RAD51B: variants seen among roughly 807,000 people sequenced by gnomAD.
RAD51B encodes the protein RAD51 paralog B, also known as DNA repair protein RAD51 homolog 2.
In RAD51B, 38 loss-of-function variants were observed where a neutral mutation model predicts 42.2. The observed-to-expected ratio is 0.90, with a 90% confidence interval of 0.70 to 1.18. The LOEUF (loss-of-function observed/expected upper bound fraction) is 1.18, where lower values mean the gene tolerates loss of function less well. Ranked by LOEUF, RAD51B falls within the 50% of genes most tolerant of loss-of-function variation. The probability of loss-of-function intolerance (pLI) is 0.00; values close to 1 mark genes in which losing one functional copy is unlikely to be tolerated. For missense variants in RAD51B, 373 were observed against 400.7 expected (o/e 0.93, Z 0.59); for synonymous variants, 154 against 145.2 (o/e 1.06, Z -0.43).
chr14:68,679,065 A>G (rs1376152818), intron 11 of RAD51B, among the ~76,000 whole-genome samples: 1 of 152,134 alleles, frequency 6.6e-6, no homozygotes, highest in Non-Finnish European at 1.5e-5. Flanking sequence ...CCCAACAAAT[A>G]TAATTAGAAA....
intron 10 of RAD51B, among the ~76,000 whole-genome samples, chr14:68,585,989 G>A (rs1595000323): frequency 6.6e-6 from 1 of 152,210 alleles, no homozygotes; most frequent in East Asian, 1.9e-4. Flanking sequence ...TCTCATCAAG[G>A]CCCTGCAAAG....
chr14:68,400,323 C>T (rs1240309797), intron 8 of RAD51B, among the ~76,000 whole-genome samples: 1 of 152,196 alleles, frequency 6.6e-6, no homozygotes, highest in Non-Finnish European at 1.5e-5. Context: ...TGGTAAAGGA[C>T]ATGCCACTTT....
intron 4 of RAD51B, among the ~76,000 whole-genome samples, chr14:67,844,730 A>T (rs1303261195): frequency 2.0e-5 from 3 of 151,752 alleles, no homozygotes; most frequent in African/African-American, 4.8e-5. Flanking sequence ...TTAACTCGTC[A>T]TTTACATTAG....
In RAD51B at chr14:68,444,764, G is replaced by A. The variant is rs188187446; in HGVS notation, c.958-23408G>A. Among the ~76,000 whole-genome samples the A allele has an allele frequency of 4.3e-4, 65 of 152,336 alleles. 1 individual carries two copies. The highest frequency in any genetic ancestry group is 1.2e-3 in the African/African-American group (51 of 41,572). ...TCACAGTAGGAGCAGGGATGGGGTG[G>A]AGGTGGTGGTGGTGATTTTAGTAAA... is the stretch of plus-strand genomic sequence containing the variant. On this transcript the variant is annotated intron_variant, in intron 9 of 10. Coordinates refer to ENST00000471583, the MANE Select transcript of RAD51B (RefSeq NM_133510.4).
chr14:68,209,288 G>A (rs936900114), intron 7 of RAD51B, among the ~76,000 whole-genome samples: 8 of 152,156 alleles, frequency 5.3e-5, no homozygotes, highest in Non-Finnish European at 1.2e-4. Context: ...CTCTCTGTGA[G>A]GTAGGCACCA....
intron 8 of RAD51B, among the ~76,000 whole-genome samples, chr14:68,327,727 TA>T (rs34100794): frequency 0.5 from 76,268 of 151,680 alleles, 21,728 homozygotes; most frequent in South Asian, 0.65. Flanking sequence ...AAGGTATTAT[TA>T]AAAAAAAGTA....
At position 68,416,100 on chromosome 14, in the gene RAD51B, A is replaced by G. The variant is rs182595550; in HGVS notation, c.957+4573A>G. Among the ~76,000 whole-genome samples the G allele has an allele frequency of 2.7e-3, 408 of 152,264 alleles. 2 individuals carry two copies. Among genetic ancestry groups the G allele is most frequent in the African/African-American group, 9.2e-3 (384 of 41,540 alleles). On this transcript the variant is annotated intron_variant, in intron 9 of 10. Coordinates refer to ENST00000471583, the MANE Select transcript of RAD51B (RefSeq NM_133510.4). ...ACCTAGTAAATTGTTGACAGAACCA[A>G]TATCACTCAAGCTGCTGATCCACAC...
At chr14:68,291,856 C>G (rs1555388035) in intron 7 of RAD51B, 28 bp from the exon 8 acceptor site, 3 of 1,558,172 alleles carry the variant, frequency 1.9e-6, no homozygotes, top group Non-Finnish European at 2.7e-6. Context: ...TCCCTTGCCC[C>G]CTACCCCTTC....
intron 7 of RAD51B, among the ~76,000 whole-genome samples, chr14:67,984,899 T>C (rs2075156135): frequency 6.6e-6 from 1 of 152,182 alleles, no homozygotes; most frequent in Non-Finnish European, 1.5e-5. Flanking sequence ...GGTACCCAAA[T>C]AGAAAGTGTA....
At chr14:68,012,432 T>TTA (rs150491903) in intron 7 of RAD51B, among the ~76,000 whole-genome samples, 39,305 of 150,940 alleles carry the variant, frequency 0.26, 6,452 homozygotes, top group African/African-American at 0.47. Flanking sequence ...ACAAAGAATT[T>TTA]TATATATATA....
chr14:68,107,825 T>C (rs2077399193), intron 7 of RAD51B, among the ~76,000 whole-genome samples: 2 of 151,762 alleles, frequency 1.3e-5, no homozygotes, highest in African/African-American at 4.8e-5. Context: ...GACACCTAAA[T>C]GTATGATCTA....
intron 7 of RAD51B, among the ~76,000 whole-genome samples, chr14:68,087,257 G>C (rs1419023107): frequency 6.6e-6 from 1 of 152,014 alleles, no homozygotes; most frequent in East Asian, 1.9e-4. Context: ...TGGGTAGCTG[G>C]CATATACCAG....
intron 10 of RAD51B, among the ~76,000 whole-genome samples, chr14:68,645,956 A>T (rs1892556396): frequency 6.6e-6 from 1 of 152,218 alleles, no homozygotes; most frequent in African/African-American, 2.4e-5. Context: ...GATTTCAAAT[A>T]AACAATGAAT....
chr14:67,890,184 C>T (rs998094148), intron 7 of RAD51B, among the ~76,000 whole-genome samples: 14 of 152,146 alleles, frequency 9.2e-5, no homozygotes, highest in Admixed American at 3.9e-4. Flanking sequence ...AGTTATTATA[C>T]GTATTGTAAA....
At chr14:68,500,784 G>T (rs1230936674) in intron 10 of RAD51B, among the ~76,000 whole-genome samples, 2 of 152,198 alleles carry the variant, frequency 1.3e-5, no homozygotes, top group Non-Finnish European at 2.9e-5. Context: ...TGGTCTCTCT[G>T]GTGTGAGAAG....
chr14:68,422,138 A>G (rs1157097751), intron 9 of RAD51B: 1 of 1,405,220 alleles, frequency 7.1e-7, no homozygotes, highest in Non-Finnish European at 1.0e-6. Flanking sequence ...CTCGAAGGAG[A>G]CATGGCCCAA....
At chr14:68,641,391 T>A (rs1892457193) in intron 10 of RAD51B, among the ~76,000 whole-genome samples, 1 of 152,184 alleles carries the variant, frequency 6.6e-6, no homozygotes, top group Non-Finnish European at 1.5e-5. Context: ...GATGTTCATG[T>A]CATTTACAAC....
rs549596742 is a variant in RAD51B at position 68,414,892 on chromosome 14, C to T, written c.957+3365C>T. ...AAAAAAAAAAAAAAAAATAGCCAGGCGTGGTGGCGCATACCTGTAGTCCCA... is the reference window on the plus strand; with the variant it reads ...AAAAAAAAAAAAAAAAATAGCCAGGTGTGGTGGCGCATACCTGTAGTCCCA... On this transcript the variant is annotated intron_variant, in intron 9 of 10. Transcript: ENST00000471583. 7.4e-3 allele frequency among the ~76,000 whole-genome samples: 1,073 copies of T among 145,680 alleles called. 11 individuals carry two copies. The highest frequency in any genetic ancestry group is 0.01 in the Non-Finnish European group (669 of 66,730).
chr14:68,353,268 TA>T (rs1364969703), intron 8 of RAD51B, among the ~76,000 whole-genome samples: 9 of 152,198 alleles, frequency 5.9e-5, no homozygotes, highest in Non-Finnish European at 1.3e-4. Context: ...TCATGCTACT[TA>T]ACCCCATAAA....
Sources: gnomAD v4.1 joint callset for allele counts (sites outside exome capture counted in the v4.1 genomes callset) on GRCh38, gnomAD v4.1.1 for gene constraint, MANE v1.5 for transcripts, NCBI Gene and HGNC (gene_info 2026-07-23, HGNC 2026-07-21) for gene names.